Variants in SEPTIN9 observed in about 807,000 individuals in gnomAD.
SEPTIN9 encodes septin 9.
SEPTIN9 carries 13 observed loss-of-function variants against 56.6 expected under a neutral mutation model. The ratio of observed to expected loss-of-function variants is 0.23; its 90% CI spans 0.15 to 0.37. SEPTIN9 has a LOEUF of 0.37. Among genes scored for constraint, SEPTIN9 ranks in the 10% least tolerant of loss-of-function variants. The pLI, the probability that SEPTIN9 is intolerant of heterozygous loss-of-function variation, is 1.00. For synonymous variants in SEPTIN9, 332 were observed against 334.1 expected (o/e 0.99, Z 0.07); for missense variants, 650 against 823.1 (o/e 0.79, Z 2.57).
At position 77,450,127 on chromosome 17, in the gene SEPTIN9, C is replaced by A. The variant is rs1329807532; in HGVS notation, c.722-32017C>A. Among the ~76,000 whole-genome samples the A allele has an allele frequency of 6.6e-6, 1 of 152,134 alleles. No individual in the cohort carries two copies. The highest frequency in any genetic ancestry group is 1.5e-5 in the Non-Finnish European group (1 of 68,006). On this transcript the variant is annotated intron_variant, in intron 3 of 11. Coordinates refer to ENST00000427177, the MANE Select transcript of SEPTIN9 (RefSeq NM_001113491.2). This position sits in a 1 kb window ranked among gnomAD's most constrained non-coding sequence, Gnocchi z 6.0. Reference sequence around the variant, plus strand: ...CCGTTCACTGTGAGGGTGGGGAGGGCCGTGGGACCAGGAGGCCTTAGGGGG... The same window carrying A: ...CCGTTCACTGTGAGGGTGGGGAGGGACGTGGGACCAGGAGGCCTTAGGGGG...
In SEPTIN9 at chr17:77,499,013, G is replaced by A; in HGVS notation, c.*355G>A. ...GGGGTTCTCAGTGCCGGAGGCCTTG[G>A]GGTGGGGGCCAGGCCTCGCACTTGC... On this transcript the variant is annotated 3_prime_UTR_variant, in exon 12 of 12. Transcript: ENST00000427177. The A allele has an allele frequency of 3.7e-6, 2 of 540,168 alleles. No individual in the cohort carries two copies. The highest frequency in any genetic ancestry group is 3.6e-6 in the Non-Finnish European group (1 of 279,228). The allele number at this position is 540,168 out of a possible 1,614,324, so 33.5% of individuals were successfully genotyped here. A position where few individuals can be genotyped will look rare whatever the true frequency, so the allele number is the denominator to read the frequency against.
rs1052786582 is a variant in SEPTIN9 at position 77,488,298 on chromosome 17, G to A, written c.1101G>A (p.Gly367=). Reference sequence around the variant, plus strand: ...CAGTGATTGACACACCAGGGTTCGGGGACCACATCAACAACGAGAACTGGT... The same window carrying A: ...CAGTGATTGACACACCAGGGTTCGGAGACCACATCAACAACGAGAACTGGT... ...KLTVIDTPGF[G]DHINNENCWQ... Residue 367 remains glycine (G), a synonymous_variant, in exon 6 of 12, where the codon GGG becomes GGA. Coordinates refer to ENST00000427177, the MANE Select transcript of SEPTIN9 (RefSeq NM_001113491.2). The A allele has an allele frequency of 6.2e-7, 1 of 1,613,690 alleles. No homozygotes were observed. Among genetic ancestry groups the A allele is most frequent in the East Asian group, 2.2e-5 (1 of 44,880 alleles).
rs2039866763 is a variant in SEPTIN9, at chr17:77,487,981, C to G, written c.1043-259C>G. Among the ~76,000 whole-genome samples the G allele has an allele frequency of 6.6e-6, 1 of 152,210 alleles. No individual in the cohort carries two copies. Among genetic ancestry groups the G allele is most frequent in the Non-Finnish European group, 1.5e-5 (1 of 68,032 alleles). On this transcript the variant is annotated intron_variant, in intron 5 of 11. Coordinates refer to ENST00000427177, the MANE Select transcript of SEPTIN9 (RefSeq NM_001113491.2). The surrounding 1 kb of genome is among the most constrained non-coding windows in gnomAD (Gnocchi z 4.3). Reference sequence around the variant, plus strand: ...GGCTCTGGCTGTGATGGGTCAGTGTCCCGGACCCCTGTGGGCCCCGTCACA... The same window carrying G: ...GGCTCTGGCTGTGATGGGTCAGTGTGCCGGACCCCTGTGGGCCCCGTCACA...
At position 77,499,421 on chromosome 17, in the gene SEPTIN9, G is replaced by A. The variant is rs752726727; in HGVS notation, c.*763G>A. 2.2e-5 allele frequency: 12 copies of A among 538,760 alleles called. No homozygotes were observed. The highest frequency in any genetic ancestry group is 3.9e-5 in the East Asian group (1 of 25,888). 33.4% of individuals were successfully genotyped at this position (538,760 alleles called of 1,614,324 possible). ...ACCGGGCTGCAGGTGCTGCTGATGC[G>A]CTGGGATCTGATTGAGGATAAAAAG... On this transcript the variant is annotated 3_prime_UTR_variant, in exon 12 of 12. Coordinates refer to ENST00000427177, the MANE Select transcript of SEPTIN9 (RefSeq NM_001113491.2).
Position 77,456,266 on chromosome 17 carries a change from G to A in SEPTIN9, c.722-25878G>A, listed in dbSNP as rs919375483. 1.3e-5 allele frequency: 2 copies of A among 152,336 alleles called. No individual in the cohort carries two copies. Among genetic ancestry groups the A allele is most frequent in the African/African-American group, 2.4e-5 (1 of 41,404 alleles). The allele number at this position is 152,336 out of a possible 1,614,324, so 9.4% of individuals were successfully genotyped here. A position where few individuals can be genotyped will look rare whatever the true frequency, so the allele number is the denominator to read the frequency against. Reference sequence around the variant, plus strand: ...ACGGAGAGGCCTGGAGGAGGAGCAGGGGGTCTCAGCCACCCAGGGTGCAGG... The same window carrying A: ...ACGGAGAGGCCTGGAGGAGGAGCAGAGGGTCTCAGCCACCCAGGGTGCAGG... On this transcript the variant is annotated intron_variant, in intron 3 of 11. Transcript: ENST00000427177. The surrounding 1 kb of genome is among the most constrained non-coding windows in gnomAD (Gnocchi z 6.0).
At chr17:77,415,233 G>A (rs1039733670) in intron 3 of SEPTIN9, among the ~76,000 whole-genome samples, 1 of 152,206 alleles carries the variant, frequency 6.6e-6, no homozygotes, top group Non-Finnish European at 1.5e-5. Flanking sequence ...GGTTGCCTCT[G>A]GGCGCAGCAG....
At chr17:77,491,604 G>A (rs1293267286) in intron 8 of SEPTIN9, among the ~76,000 whole-genome samples, 2 of 151,596 alleles carry the variant, frequency 1.3e-5, no homozygotes, top group Non-Finnish European at 2.9e-5. Context: ...CTTGAGGTCA[G>A]GAGTTTGAGG....
At position 77,319,712 on chromosome 17, in the gene SEPTIN9, C is replaced by T; in HGVS notation, c.76+12515C>T. On this transcript the variant is annotated intron_variant, in intron 2 of 11. Transcript: ENST00000427177. This position sits in a 1 kb window ranked among gnomAD's most constrained non-coding sequence, Gnocchi z 5.3. Reference sequence around the variant, plus strand: ...GGAAGGCGAGGCAGGCACGCAGGAACTGGGCTTTTTAAACCCTTAAGCCCA... The same window carrying T: ...GGAAGGCGAGGCAGGCACGCAGGAATTGGGCTTTTTAAACCCTTAAGCCCA... 2 of 1,067,266 alleles carry T rather than the reference C, an allele frequency of 1.9e-6. No homozygotes were observed. The highest frequency in any genetic ancestry group is 2.3e-6 in the Non-Finnish European group (2 of 880,358). The allele number at this position is 1,067,266 out of a possible 1,614,324, so 66.1% of individuals were successfully genotyped here. A position where few individuals can be genotyped will look rare whatever the true frequency, so the allele number is the denominator to read the frequency against.
chr17:77,486,615 TGTGTGTGTGTTGTGAGTTGTGCATGTGAA>T lies in SEPTIN9; in HGVS notation c.914-792_914-764del, dbSNP rs1185152300. 2.6e-5 allele frequency among the ~76,000 whole-genome samples: 4 copies of T among 151,662 alleles called. No homozygotes were observed. In the East Asian group the frequency reaches 7.7e-4, roughly 29 times the overall value. On this transcript the variant is annotated intron_variant, in intron 4 of 11. Transcript: ENST00000427177. ...TGTAAGAGGTATGTTTGAGGTGAGT[TGTGTGTGTGTTGTGAGTTGTGCATGTGAA>T]GTGTGTGTGTTGTGAGGTGTGTGTA...
chr17:77,334,672 G>C (rs1385471252), intron 2 of SEPTIN9, among the ~76,000 whole-genome samples: 1 of 152,054 alleles, frequency 6.6e-6, no homozygotes, highest in African/African-American at 2.4e-5. Context: ...AAGGTCAAAA[G>C]AAGTTCTCTT....
intron 2 of SEPTIN9, among the ~76,000 whole-genome samples, chr17:77,361,610 G>A (rs1475511995): frequency 6.6e-6 from 1 of 151,898 alleles, no homozygotes; most frequent in African/African-American, 2.4e-5. Context: ...ATTCATAATC[G>A]AGTGGTCAGT....
chr17:77,353,930 G>A (rs527567677), intron 2 of SEPTIN9, among the ~76,000 whole-genome samples: 8 of 152,214 alleles, frequency 5.3e-5, no homozygotes, highest in Non-Finnish European at 1.2e-4. Context: ...ACAAGAACAC[G>A]AAGACCCGAG....
At chr17:77,349,994 G>C (rs978343862) in intron 2 of SEPTIN9, among the ~76,000 whole-genome samples, 1 of 152,180 alleles carries the variant, frequency 6.6e-6, no homozygotes, top group African/African-American at 2.4e-5. Context: ...TGGAATTCCT[G>C]GTCTGGGTGG....
At chr17:77,386,711 A>AG (rs1032371471) in intron 2 of SEPTIN9, among the ~76,000 whole-genome samples, 1 of 152,130 alleles carries the variant, frequency 6.6e-6, no homozygotes, top group African/African-American at 2.4e-5. Context: ...TTCCTGCCCC[A>AG]GGGGGCTGGG....
intron 2 of SEPTIN9, among the ~76,000 whole-genome samples, chr17:77,320,785 C>A (rs962926130): frequency 6.6e-6 from 1 of 152,246 alleles, no homozygotes; most frequent in African/African-American, 2.4e-5. Flanking sequence ...AAGGCTGCCT[C>A]GGTCTCCTAC....
rs753235383 is a variant in SEPTIN9, at chr17:77,329,104, G to C, written c.76+21907G>C. ...CCAATGCGACAGGCAGGGCCAGGTCGTGCCGGGCCTTGGAGGCCCTGGTGA... is the reference window on the plus strand; with the variant it reads ...CCAATGCGACAGGCAGGGCCAGGTCCTGCCGGGCCTTGGAGGCCCTGGTGA... On this transcript the variant is annotated intron_variant, in intron 2 of 11. Coordinates refer to ENST00000427177, the MANE Select transcript of SEPTIN9 (RefSeq NM_001113491.2). The surrounding 1 kb of genome is among the most constrained non-coding windows in gnomAD (Gnocchi z 4.3). 6.6e-6 allele frequency among the ~76,000 whole-genome samples: 1 copy of C among 152,206 alleles called. No homozygotes were observed. Among genetic ancestry groups the C allele is most frequent in the Non-Finnish European group, 1.5e-5 (1 of 68,032 alleles).
chr17:77,497,347 C>T lies in SEPTIN9; in HGVS notation c.1606C>T (p.Leu536=). 1.2e-6 allele frequency: 2 copies of T among 1,613,842 alleles called. No homozygotes were observed. Among genetic ancestry groups the T allele is most frequent in the African/African-American group, 1.3e-5 (1 of 75,048 alleles). The part of the protein sequence containing the change: ...ENTTHCEFAY[L]RDLLIRTHMQ... The stretch of plus-strand genomic sequence containing the variant: ...CACCACACACTGTGAGTTTGCCTAC[C>T]TGCGGGACCTTCTCATCAGGTGAGA... Residue 536 remains leucine (L), a synonymous_variant, in exon 11 of 12, where the codon CTG becomes TTG. Coordinates refer to ENST00000427177, the MANE Select transcript of SEPTIN9 (RefSeq NM_001113491.2).
chr17:77,319,061 C>A lies in SEPTIN9; in HGVS notation c.76+11864C>A, dbSNP rs2032806433. Among the ~76,000 whole-genome samples the A allele has an allele frequency of 2.0e-5, 3 of 152,222 alleles. No homozygotes were observed. The South Asian group carries it at 6.2e-4, about 31-fold the overall frequency. ...TCCTCCCTTTCTCAACAGAAGCTGA[C>A]AGTCTGGAGTTTTCAGAGAGATTGC... is the stretch of plus-strand genomic sequence containing the variant. On this transcript the variant is annotated intron_variant, in intron 2 of 11. Transcript: ENST00000427177. The surrounding 1 kb of genome is among the most constrained non-coding windows in gnomAD (Gnocchi z 5.3).
intron 2 of SEPTIN9, among the ~76,000 whole-genome samples, chr17:77,331,752 C>G (rs1185724021): frequency 6.6e-6 from 1 of 152,130 alleles, no homozygotes; most frequent in Non-Finnish European, 1.5e-5. Flanking sequence ...ATGACCAGCC[C>G]CCGCACAGGC....
Sources: gnomAD v4.1 joint callset for allele counts (sites outside exome capture counted in the v4.1 genomes callset) on GRCh38, gnomAD v4.1.1 for gene constraint, Gnocchi (gnomAD v3.1) non-coding constraint, MANE v1.5 for transcripts, NCBI Gene and HGNC (gene_info 2026-07-23, HGNC 2026-07-21) for gene names.